Variants in LYRM4 observed in about 807,000 individuals in gnomAD.
LYRM4 encodes LYR motif-containing protein 4.
Under a neutral mutation model 11.7 loss-of-function variants are expected in LYRM4, and 9 were observed. That is an observed-to-expected ratio of 0.77 (90% CI 0.46 to 1.34). LYRM4 has a LOEUF of 1.34. Ranked by LOEUF, LYRM4 falls within the 40% of genes most tolerant of loss-of-function variation. The pLI, the probability that LYRM4 is intolerant of heterozygous loss-of-function variation, is 0.00. For missense variants in LYRM4, 133 were observed against 112.5 expected, an observed-to-expected ratio of 1.18 and a Z score of -0.82; for synonymous variants, 42 against 40.4, an observed-to-expected ratio of 1.04 and a Z score of -0.15.
the LYRM4 span, chr6:5,085,124 A>C: frequency 3.7e-5 from 10 of 266,836 alleles, no homozygotes; most frequent in East Asian, 8.8e-5. Context: ...GAGCCCGCGA[A>C]CGACAGAAAG....
At chr6:5,076,920 A>G in the LYRM4 span, among the ~76,000 whole-genome samples, 14 of 152,330 alleles carry the variant, frequency 9.2e-5, no homozygotes, top group Admixed American at 2.6e-4. Context: ...GGTGGCTGCA[A>G]CCACTCAAGG....
At chr6:5,119,312 T>TG in intron 2 of LYRM4, among the ~76,000 whole-genome samples, 1 of 152,260 alleles carries the variant, frequency 6.6e-6, no homozygotes, top group South Asian at 2.1e-4. Context: ...TGCAAGAGCG[T>TG]GCACTCTTCA....
At chr6:5,151,484 C>G (rs1758086237) in intron 2 of LYRM4, among the ~76,000 whole-genome samples, 1 of 152,166 alleles carries the variant, frequency 6.6e-6, no homozygotes, top group South Asian at 2.1e-4. Flanking sequence ...CCAGGAAATC[C>G]TCTCCCCAGT....
At chr6:5,060,563 C>G in the LYRM4 span, among the ~76,000 whole-genome samples, 43,553 of 151,284 alleles carry the variant, frequency 0.29, 6,713 homozygotes, top group African/African-American at 0.39. Flanking sequence ...GCAGTGGTAC[C>G]ATCTCCATAG....
At chr6:5,152,417 G>A (rs1758139644) in intron 2 of LYRM4, among the ~76,000 whole-genome samples, 1 of 152,142 alleles carries the variant, frequency 6.6e-6, no homozygotes, top group African/African-American at 2.4e-5. Flanking sequence ...CCGGCATGAC[G>A]TACTAGATTA....
At chr6:5,233,142 C>A (rs1763338744) in intron 1 of LYRM4, among the ~76,000 whole-genome samples, 1 of 152,198 alleles carries the variant, frequency 6.6e-6, no homozygotes, top group African/African-American at 2.4e-5. Context: ...TCTGAAGACG[C>A]CCTGCCTCCC....
At chr6:5,257,378 T>C (rs1764729220) in intron 1 of LYRM4, among the ~76,000 whole-genome samples, 1 of 152,208 alleles carries the variant, frequency 6.6e-6, no homozygotes, top group East Asian at 1.9e-4. Flanking sequence ...TTCCACACCT[T>C]GTACATCCTT....
chr6:5,216,142 T>A (rs1762261320), intron 2 of LYRM4, among the ~76,000 whole-genome samples: 1 of 152,198 alleles, frequency 6.6e-6, no homozygotes, highest in Admixed American at 6.5e-5. Context: ...AGCTGTACTT[T>A]ACACCATCTG....
the LYRM4 span, chr6:5,087,888 T>A: frequency 7.9e-5 from 12 of 152,290 alleles, no homozygotes; most frequent in African/African-American, 2.9e-4. Context: ...TCCCTTTTTT[T>A]AAGTCTTCCC....
chr6:5,056,882 G>A, the LYRM4 span, among the ~76,000 whole-genome samples: 2 of 152,130 alleles, frequency 1.3e-5, no homozygotes. Flanking sequence ...CACTATAAAA[G>A]CAGCCAGTTC....
At chr6:5,203,719 G>A (rs990332046) in intron 2 of LYRM4, among the ~76,000 whole-genome samples, 5 of 152,192 alleles carry the variant, frequency 3.3e-5, no homozygotes, top group African/African-American at 4.8e-5. Flanking sequence ...GAAGTCAGAC[G>A]TGTATTATAA....
intron 1 of LYRM4, among the ~76,000 whole-genome samples, chr6:5,250,320 T>C (rs2127769237): frequency 6.6e-6 from 1 of 152,308 alleles, no homozygotes; most frequent in South Asian, 2.1e-4. Context: ...AAATCAGCAA[T>C]GACACGCAGA....
chr6:5,096,952 G>A, the LYRM4 span, among the ~76,000 whole-genome samples: 2 of 131,694 alleles, frequency 1.5e-5, no homozygotes, highest in African/African-American at 5.4e-5. Flanking sequence ...CAGACAAACT[G>A]TTTTTGTTAC....
At chr6:5,172,377 C>T (rs956272465) in intron 2 of LYRM4, among the ~76,000 whole-genome samples, 3 of 152,182 alleles carry the variant, frequency 2.0e-5, no homozygotes, top group African/African-American at 7.2e-5. Context: ...TTTCCAAATA[C>T]TTTCGAGGGA....
intron 2 of LYRM4, among the ~76,000 whole-genome samples, chr6:5,154,814 G>T (rs568203461): frequency 1.3e-5 from 2 of 151,928 alleles, no homozygotes; most frequent in Non-Finnish European, 2.9e-5. Context: ...GCGAGACTCC[G>T]TCTCAAAAAA....
At chr6:5,218,110 T>A (rs1381633316) in intron 1 of LYRM4, 1 of 427,866 alleles carries the variant, frequency 2.3e-6, no homozygotes, top group African/African-American at 2.2e-5. Flanking sequence ...ACTTGCTGCG[T>A]TGCCCAGGCT....
chr6:5,073,927 C>T, the LYRM4 span, among the ~76,000 whole-genome samples: 28 of 152,288 alleles, frequency 1.8e-4, no homozygotes, highest in Admixed American at 4.6e-4. Flanking sequence ...CTTATACCTT[C>T]CTGTCATGCT....
chr6:5,196,571 C>A (rs1761067649), intron 2 of LYRM4, among the ~76,000 whole-genome samples: 1 of 152,196 alleles, frequency 6.6e-6, no homozygotes, highest in African/African-American at 2.4e-5. Flanking sequence ...TGCTCACTGT[C>A]CGACCATCCA....
At chr6:5,145,269 G>GA (rs1404268232) in intron 2 of LYRM4, among the ~76,000 whole-genome samples, 1 of 152,190 alleles carries the variant, frequency 6.6e-6, no homozygotes, top group African/African-American at 2.4e-5. Context: ...ACAAAGGAGA[G>GA]AAAGTGCAGT....
Sources: gnomAD v4.1 joint callset for allele counts (sites outside exome capture counted in the v4.1 genomes callset) on GRCh38, gnomAD v4.1.1 for gene constraint, MANE v1.5 for transcripts, NCBI Gene and HGNC (gene_info 2026-07-23, HGNC 2026-07-21) for gene names.